ATXN1: variants seen among roughly 807,000 people sequenced by gnomAD.
ATXN1 encodes the protein ataxin-1.
A neutral mutation model predicts 56.4 loss-of-function variants in ATXN1; 8 were observed. The ratio of observed to expected loss-of-function variants is 0.14; its 90% CI spans 0.08 to 0.26. The LOEUF is 0.26. Among genes scored for constraint, ATXN1 ranks in the 10% least tolerant of loss-of-function variants. ATXN1 has a pLI of 1.00. For missense variants in ATXN1, 987 were observed against 1,106.5 expected, an observed-to-expected ratio of 0.89 and a Z score of 1.53; for synonymous variants, 514 against 494.6, an observed-to-expected ratio of 1.04 and a Z score of -0.52.
At chr6:16,459,313 G>A (rs1273485617) in intron 6 of ATXN1, among the ~76,000 whole-genome samples, 1 of 152,150 alleles carries the variant, frequency 6.6e-6, no homozygotes, top group East Asian at 1.9e-4. Context: ...TCCAAATCAG[G>A]CTATAAGACC....
At chr6:16,565,095 C>T (rs1013195251) in intron 4 of ATXN1, among the ~76,000 whole-genome samples, 1 of 152,216 alleles carries the variant, frequency 6.6e-6, no homozygotes, top group African/African-American at 2.4e-5. Flanking sequence ...TTAGCTCCTG[C>T]ATTCTGTTTC....
chr6:16,450,178 A>G (rs1421694006), intron 6 of ATXN1, among the ~76,000 whole-genome samples: 2 of 152,266 alleles, frequency 1.3e-5, no homozygotes, highest in Non-Finnish European at 2.9e-5. Context: ...ATAGCTATAT[A>G]ATGCCTAAAT....
At chr6:16,364,107 G>T (rs138806521) in intron 6 of ATXN1, among the ~76,000 whole-genome samples, 1 of 151,602 alleles carries the variant, frequency 6.6e-6, no homozygotes. Flanking sequence ...GTCGCTTAAA[G>T]GTAGACCCTG....
intron 6 of ATXN1, among the ~76,000 whole-genome samples, chr6:16,429,088 G>A (rs577504735): frequency 1.4e-4 from 21 of 152,166 alleles, no homozygotes; most frequent in Non-Finnish European, 2.6e-4. Flanking sequence ...ACACCCTGGC[G>A]ACCTGTTCCT....
intron 4 of ATXN1, among the ~76,000 whole-genome samples, chr6:16,526,534 G>A (rs1411774962): frequency 6.6e-6 from 1 of 152,138 alleles, no homozygotes; most frequent in African/African-American, 2.4e-5. Flanking sequence ...GGAGGCCAAG[G>A]CGGGTGGATT....
chr6:16,657,419 C>T (rs752126575), intron 3 of ATXN1, among the ~76,000 whole-genome samples: 3 of 152,322 alleles, frequency 2.0e-5, no homozygotes, highest in South Asian at 2.1e-4. Flanking sequence ...TACTTCCTCT[C>T]GTGCGATTAA....
intron 6 of ATXN1, among the ~76,000 whole-genome samples, chr6:16,342,976 C>T (rs759433674): frequency 2.0e-5 from 3 of 152,154 alleles, no homozygotes; most frequent in Non-Finnish European, 2.9e-5. Flanking sequence ...GCCACTTAAC[C>T]GTGCACGTAA....
At position 16,753,236 on chromosome 6, in the gene ATXN1, A is replaced by T; in HGVS notation, c.-618T>A. The T allele has an allele frequency of 2.2e-6, 1 of 456,648 alleles. No individual in the cohort carries two copies. The highest frequency in any genetic ancestry group is 1.5e-5 in the South Asian group (1 of 64,562). 28.3% of individuals were successfully genotyped at this position (456,648 alleles called of 1,614,324 possible). A position where few individuals can be genotyped will look rare whatever the true frequency, so the allele number is the denominator to read the frequency against. Reference sequence around the variant, plus strand: ...GAGAGCATCGCAAAACTCTCACCTGACATGTGATGCACTTCCCTGTAGTGG... The same window carrying T: ...GAGAGCATCGCAAAACTCTCACCTGTCATGTGATGCACTTCCCTGTAGTGG... On this transcript the variant is annotated 5_prime_UTR_variant, in exon 2 of 8. Transcript: ENST00000436367.
chr6:16,746,147 C>T (rs1355806757), intron 2 of ATXN1, among the ~76,000 whole-genome samples: 1 of 152,108 alleles, frequency 6.6e-6, no homozygotes, highest in Non-Finnish European at 1.5e-5. Context: ...AGCCAGGAGC[C>T]AGAGCCAGAA....
At chr6:16,446,087 AG>A (rs1366672204) in intron 6 of ATXN1, among the ~76,000 whole-genome samples, 2 of 151,594 alleles carry the variant, frequency 1.3e-5, no homozygotes, top group African/African-American at 4.9e-5. Flanking sequence ...TAGATCCCTG[AG>A]GAATCGCCAC....
rs754991999 is a variant in ATXN1 at position 16,367,333 on chromosome 6, TTC to T, written c.-160-38865_-160-38864del. Among the ~76,000 whole-genome samples the T allele has an allele frequency of 2.0e-3, 155 of 79,142 alleles. 2 individuals carry two copies. The Middle Eastern group carries it at 0.03, about 16-fold the overall frequency. The allele number at this position is 79,142 out of a possible 152,430, so 51.9% of individuals were successfully genotyped here. ...GCACATCTTGCAGCCAAGATTCTGT[TTC>T]TCTCTCTCTCTCTCTCTCTCTCTCT... is the stretch of plus-strand genomic sequence containing the variant. On this transcript the variant is annotated intron_variant, in intron 6 of 7. Coordinates refer to ENST00000436367, the MANE Select transcript of ATXN1 (RefSeq NM_001128164.2).
chr6:16,731,454 C>CTTTTCTTTT (rs1759978125), intron 2 of ATXN1, among the ~76,000 whole-genome samples: 1 of 81,794 alleles, frequency 1.2e-5, no homozygotes, highest in African/African-American at 3.8e-5. Context: ...TTTTTCTTTT[C>CTTTTCTTTT]TTTTTTTTTT....
intron 3 of ATXN1, among the ~76,000 whole-genome samples, chr6:16,611,938 C>A (rs1251397516): frequency 7.2e-6 from 1 of 137,934 alleles, no homozygotes; most frequent in Non-Finnish European, 1.5e-5. Flanking sequence ...CGGCTCACTG[C>A]AAGCTCCGCC....
At chr6:16,593,019 G>A (rs1762751210) in intron 3 of ATXN1, among the ~76,000 whole-genome samples, 2 of 152,126 alleles carry the variant, frequency 1.3e-5, no homozygotes, top group Admixed American at 6.5e-5. Flanking sequence ...ACAAAGTACT[G>A]ATTGGTGCAT....
intron 4 of ATXN1, among the ~76,000 whole-genome samples, chr6:16,558,984 T>C (rs73724899): frequency 0.16 from 23,863 of 151,926 alleles, 3,382 homozygotes; most frequent in African/African-American, 0.38. Context: ...AGGATGAATA[T>C]ACATTTCCCA....
Position 16,614,292 on chromosome 6 carries a change from CTCTT to C in ATXN1, c.-488-28389_-488-28386del, listed in dbSNP as rs548238491. Among the ~76,000 whole-genome samples, 129 of 150,770 alleles carry C rather than the reference CTCTT, an allele frequency of 8.6e-4. 3 individuals carry two copies. The highest frequency in any genetic ancestry group is 3.0e-3 in the African/African-American group (123 of 40,502). On this transcript the variant is annotated intron_variant, in intron 3 of 7. Coordinates refer to ENST00000436367, the MANE Select transcript of ATXN1 (RefSeq NM_001128164.2). ...GAAATCCCCGCTTGATGGTACATGA[CTCTT>C]TCTTAAGAATGGTTCTCTTTTATGG...
chr6:16,625,863 C>G (rs1410974035), intron 3 of ATXN1, among the ~76,000 whole-genome samples: 2 of 152,196 alleles, frequency 1.3e-5, no homozygotes, highest in South Asian at 2.1e-4. Flanking sequence ...CTCTAGGTAC[C>G]AAGCATTCCA....
chr6:16,319,811 G>A (rs557163701), intron 7 of ATXN1, among the ~76,000 whole-genome samples: 212 of 151,348 alleles, frequency 1.4e-3, no homozygotes, highest in African/African-American at 4.9e-3. Context: ...TGACCCAGTT[G>A]GGGGCACATA....
intron 2 of ATXN1, among the ~76,000 whole-genome samples, chr6:16,664,333 C>T (rs1397932778): frequency 6.6e-6 from 1 of 152,006 alleles, no homozygotes; most frequent in Non-Finnish European, 1.5e-5. Context: ...ATTTTATAGG[C>T]CTCTCTCTAA....
Sources: allele counts gnomAD v4.1 joint callset (sites outside exome capture counted in the v4.1 genomes callset), GRCh38; gene constraint gnomAD v4.1.1; transcripts MANE v1.5; gene names NCBI Gene and HGNC (gene_info 2026-07-23, HGNC 2026-07-21).